Variants in MGAM observed in about 807,000 individuals in gnomAD.
The protein encoded by MGAM is maltase-glucoamylase.
Under a neutral mutation model 358.8 loss-of-function variants are expected in MGAM, and 253 were observed. The ratio of observed to expected loss-of-function variants is 0.71; its 90% CI spans 0.64 to 0.78. MGAM has a LOEUF of 0.78. Ranked by LOEUF, MGAM falls within the 30% of genes least tolerant of loss-of-function variation. The pLI, the probability that MGAM is intolerant of heterozygous loss-of-function variation, is 0.00. For synonymous variants in MGAM, 1,105 were observed against 1,227.1 expected, an observed-to-expected ratio of 0.90 and a Z score of 2.08; for missense variants, 3,080 against 3,432.6, an observed-to-expected ratio of 0.90 and a Z score of 2.57.
At chr7:142,067,223 C>G in intron 41 of MGAM, 118 bp from the exon 42 acceptor site, 1 of 978,546 alleles carries the variant, frequency 1.0e-6, no homozygotes, top group Non-Finnish European at 1.6e-6. Context: ...AGGAACAAAG[C>G]AAGGATGGCT....
intron 37 of MGAM, 37 bp from the exon 38 acceptor site, chr7:142,065,297 CT>C: frequency 6.3e-7 from 1 of 1,593,130 alleles, no homozygotes; most frequent in Non-Finnish European, 8.5e-7. Context: ...TACTCCCTGG[CT>C]GTTGCCTCAG....
intron 3 of MGAM, among the ~76,000 whole-genome samples, chr7:142,010,509 A>G (rs1805520266): frequency 6.6e-6 from 1 of 152,014 alleles, no homozygotes; most frequent in African/African-American, 2.4e-5. Context: ...TTCCTTAACA[A>G]TAATTTCCAG....
chr7:142,066,783 A>G, intron 41 of MGAM, 62 bp downstream of exon 41: 1 of 1,497,294 alleles, frequency 6.7e-7, no homozygotes, highest in East Asian at 2.3e-5. Context: ...ATGTGGTAGC[A>G]GTTGATATAC....
chr7:141,989,005 G>A (rs951390750), intron 2 of MGAM, among the ~76,000 whole-genome samples: 2 of 152,122 alleles, frequency 1.3e-5, no homozygotes, highest in Non-Finnish European at 1.5e-5. Flanking sequence ...AAAAACAGAG[G>A]TAAAAATTAA....
At chr7:141,992,430 T>G (rs1325054454), upstream of MGAM, among the ~76,000 whole-genome samples, 1 of 152,140 alleles carries the variant, frequency 6.6e-6, no homozygotes, top group Admixed American at 6.5e-5. Context: ...CTATGCTTAG[T>G]GATTTTTAAA....
At chr7:142,069,419 T>C (rs952002891) in intron 43 of MGAM, among the ~76,000 whole-genome samples, 1 of 145,634 alleles carries the variant, frequency 6.9e-6, no homozygotes, top group African/African-American at 2.4e-5. Context: ...ACCCTGATTC[T>C]TGGGGAAGAA....
At chr7:142,023,800 C>A (rs1332614490) in intron 7 of MGAM, among the ~76,000 whole-genome samples, 1 of 152,146 alleles carries the variant, frequency 6.6e-6, no homozygotes, top group Non-Finnish European at 1.5e-5. Context: ...TAAGTCAGAG[C>A]AGCTTACCTA....
At chr7:142,044,713 A>G (rs1325595843) in intron 21 of MGAM, among the ~76,000 whole-genome samples, 2 of 92,758 alleles carry the variant, frequency 2.2e-5, no homozygotes, top group Non-Finnish European at 4.3e-5. Flanking sequence ...TACACGTGTA[A>G]TATATGATGT....
intron 36 of MGAM, 100 bp downstream of exon 36, chr7:142,063,686 C>A (rs1372122061): frequency 7.5e-7 from 1 of 1,328,800 alleles, no homozygotes; most frequent in Non-Finnish European, 1.1e-6. Flanking sequence ...AGGGCACATC[C>A]TCATGGCTGC....
intron 12 of MGAM, among the ~76,000 whole-genome samples, chr7:142,031,348 G>A (rs1370449903): frequency 6.6e-6 from 1 of 152,166 alleles, no homozygotes; most frequent in Non-Finnish European, 1.5e-5. Flanking sequence ...TAGTGGACTA[G>A]CTGAAATTTA....
chr7:142,056,754 G>A, intron 29 of MGAM, 76 bp from the exon 30 acceptor site: 2 of 1,418,726 alleles, frequency 1.4e-6, no homozygotes, highest in Non-Finnish European at 2.0e-6. Flanking sequence ...CAGGAAGATG[G>A]AGAATGTGTG....
intron 21 of MGAM, among the ~76,000 whole-genome samples, chr7:142,042,929 C>A (rs1809213573): frequency 6.2e-5 from 3 of 48,116 alleles, no homozygotes; most frequent in African/African-American, 1.6e-4. Flanking sequence ...CATATAATAT[C>A]TAAATATAAT....
At chr7:141,988,481 C>T (rs1208447826) in intron 2 of MGAM, among the ~76,000 whole-genome samples, 1 of 151,894 alleles carries the variant, frequency 6.6e-6, no homozygotes, top group Non-Finnish European at 1.5e-5. Flanking sequence ...TCTCTTACCT[C>T]AGCCTCCCGA....
chr7:142,078,951 C>T lies in MGAM; in HGVS notation c.5790C>T (p.Pro1930=), dbSNP rs767772381. Residue 1930 remains proline (P), a synonymous_variant, in exon 49 of 71, where the codon CCC becomes CCT. Transcript: ENST00000475668. ...ATGCCAATGCCTTCCCTTCCACACCCGTGAACCCCCTTCGCCTGGATGTCA... is the reference window on the plus strand; with the variant it reads ...ATGCCAATGCCTTCCCTTCCACACCTGTGAACCCCCTTCGCCTGGATGTCA... The part of the protein sequence containing the change: ...SVHANAFPST[P]VNPLRLDVTY... The T allele has an allele frequency of 3.3e-5, 52 of 1,555,852 alleles. 10 individuals are homozygous for T. The highest frequency in any genetic ancestry group is 1.0e-4 in the Admixed American group (6 of 58,382).
intron 12 of MGAM, 70 bp from the exon 13 acceptor site, chr7:142,031,610 G>A: frequency 9.2e-7 from 1 of 1,081,414 alleles, no homozygotes; most frequent in Non-Finnish European, 1.4e-6. Context: ...GAATTTCTTT[G>A]CAAAGTACTT....
chr7:142,105,579 C>T (rs974584190), intron 70 of MGAM, among the ~76,000 whole-genome samples: 16 of 152,330 alleles, frequency 1.1e-4, no homozygotes, highest in African/African-American at 3.8e-4. Flanking sequence ...TGAGCCACCG[C>T]ACCCGGCCCA....
rs941546357 is a variant in MGAM, at chr7:142,093,995, G to C, written c.7173-369G>C. On this transcript the variant is annotated intron_variant, in intron 60 of 70. Coordinates refer to ENST00000475668, the MANE Select transcript of MGAM (RefSeq NM_001365693.1). The stretch of plus-strand genomic sequence containing the variant: ...TATTCCACTGAATTAGCACAGTCCT[G>C]CTTTGTAAGCTCAATTAATAGTGTG... 6.2e-5 allele frequency among the ~76,000 whole-genome samples: 9 copies of C among 146,248 alleles called. 1 individual carries two copies. The highest frequency in any genetic ancestry group is 1.4e-4 in the Admixed American group (2 of 14,584).
At chr7:142,089,514 A>G (rs891740003) in intron 57 of MGAM, among the ~76,000 whole-genome samples, 1 of 146,558 alleles carries the variant, frequency 6.8e-6, no homozygotes, top group African/African-American at 2.4e-5. Context: ...GAAAGTTATT[A>G]AAAGTAGGCC....
At chr7:142,038,735 A>G in intron 19 of MGAM, 120 bp downstream of exon 19, 1 of 677,948 alleles carries the variant, frequency 1.5e-6, no homozygotes, top group Non-Finnish European at 2.4e-6. Flanking sequence ...TCAGCCTTGA[A>G]GAGAGTGTGC....
Sources: allele counts gnomAD v4.1 joint callset (sites outside exome capture counted in the v4.1 genomes callset), GRCh38; gene constraint gnomAD v4.1.1; transcripts MANE v1.5; gene names NCBI Gene and HGNC (gene_info 2026-07-23, HGNC 2026-07-21).